MGAM: variants seen among roughly 807,000 people sequenced by gnomAD.
The protein encoded by MGAM is alpha-1,4-glucosidase.
Under a neutral mutation model 358.8 loss-of-function variants are expected in MGAM, and 253 were observed. That is an observed-to-expected ratio of 0.71 (90% CI 0.64 to 0.78). The LOEUF (loss-of-function observed/expected upper bound fraction) is 0.78, where lower values mean the gene tolerates loss of function less well. MGAM is among the 30% of genes least tolerant of loss of function. MGAM has a pLI of 0.00. For synonymous variants in MGAM, 1,105 were observed against 1,227.1 expected (o/e 0.90, Z 2.08); for missense variants, 3,080 against 3,432.6 (o/e 0.90, Z 2.57).
At chr7:141,992,101 T>C (rs1803973671), upstream of MGAM, among the ~76,000 whole-genome samples, 1 of 152,200 alleles carries the variant, frequency 6.6e-6, no homozygotes, top group South Asian at 2.1e-4. Flanking sequence ...GGATTCAGGG[T>C]CTGAGCTCTT....
intron 3 of MGAM, among the ~76,000 whole-genome samples, chr7:142,014,780 A>C (rs1258670791): frequency 6.6e-6 from 1 of 152,136 alleles, no homozygotes; most frequent in Non-Finnish European, 1.5e-5. Flanking sequence ...ATGTTGATAG[A>C]TATCTCTAGT....
rs1563175144 is a variant in MGAM at position 142,056,930 on chromosome 7, G to C, written c.3681G>C (p.Gln1227His). 4 of 1,613,828 alleles carry C rather than the reference G, an allele frequency of 2.5e-6. No homozygotes were observed. In the Admixed American group the frequency reaches 6.7e-5, roughly 27 times the overall value. Reference protein sequence around the residue: ...FLGPTPELVTQQYTELIGRPV... With the variant: ...FLGPTPELVTHQYTELIGRPV... The stretch of plus-strand genomic sequence containing the variant: ...GGCCGACTCCAGAGCTTGTCACCCA[G>C]CAGTACACTGAGGTAGGGGGAAATC... Residue 1227 changes from glutamine to histidine, a missense_variant, in exon 30 of 71, where the codon CAG (glutamine) becomes CAC (histidine). Gln to His is a conservative substitution (Grantham distance 24). Around this residue, in one of 5 missense-constraint regions of MGAM, gnomAD observed 1,816 missense variants for 1,840.5 expected, o/e 0.99. Transcript: ENST00000475668.
At chr7:142,018,630 A>C (rs1205904639) in intron 3 of MGAM, among the ~76,000 whole-genome samples, 1 of 152,208 alleles carries the variant, frequency 6.6e-6, no homozygotes, top group Non-Finnish European at 1.5e-5. Flanking sequence ...TTATGTTAGA[A>C]GGCACACACC....
At chr7:142,085,048 G>A (rs1394483872) in intron 54 of MGAM, among the ~76,000 whole-genome samples, 1 of 146,458 alleles carries the variant, frequency 6.8e-6, no homozygotes, top group East Asian at 2.0e-4. Flanking sequence ...ATGTGGATAC[G>A]ACCTCAGTTC....
At chr7:142,063,093 G>A (rs1812381850) in intron 35 of MGAM, among the ~76,000 whole-genome samples, 1 of 152,138 alleles carries the variant, frequency 6.6e-6, no homozygotes, top group Non-Finnish European at 1.5e-5. Flanking sequence ...AGCTATTTGG[G>A]TAGCTGAGGG....
rs1386225865 is a variant in MGAM, at chr7:142,061,221, G to T, written c.4122+848G>T. On this transcript the variant is annotated intron_variant, in intron 34 of 70. Transcript: ENST00000475668. ...AAGTTCCTACCTCACGGCTGGCCAG[G>T]TTCCCTACGTGTACCCCGTATGGGA... Among the ~76,000 whole-genome samples, 7 of 152,094 alleles carry T rather than the reference G, an allele frequency of 4.6e-5. No individual in the cohort carries two copies. In the South Asian group the frequency reaches 1.2e-3, roughly 27 times the overall value.
Position 142,094,864 on chromosome 7 carries a change from G to A in MGAM, c.7458+1G>A. The A allele has an allele frequency of 6.2e-7, 1 of 1,613,838 alleles. No individual in the cohort carries two copies. The highest frequency in any genetic ancestry group is 1.1e-5 in the South Asian group (1 of 91,058). On this transcript the variant is annotated splice_donor_variant, in intron 63 of 70. Coordinates refer to ENST00000475668, the MANE Select transcript of MGAM (RefSeq NM_001365693.1). LOFTEE classifies it high-confidence loss of function. ...AAACCACAACACCATTGGGACCAGG[G>A]TAGGACAGTGGCCCCTACCTCCAGT...
chr7:142,097,671 T>C (rs755850053), intron 66 of MGAM, 22 bp downstream of exon 66: 1 of 1,585,074 alleles, frequency 6.3e-7, no homozygotes. Context: ...TGAATGTTTA[T>C]ACAACACGGG....
Position 142,034,987 on chromosome 7 carries a change from C to G in MGAM, c.1959+146C>G, listed in dbSNP as rs879998465. 35 of 770,034 alleles carry G rather than the reference C, an allele frequency of 4.5e-5. No homozygotes were observed. The South Asian group carries it at 6.5e-4, about 14-fold the overall frequency. 47.7% of individuals were successfully genotyped at this position (770,034 alleles called of 1,614,324 possible). On this transcript the variant is annotated intron_variant, in intron 16 of 70. Coordinates refer to ENST00000475668, the MANE Select transcript of MGAM (RefSeq NM_001365693.1). ...AGAGCATGTGCTTCATCCACATCAG[C>G]AGGGCTTTGATACCATGACATTCTT... is the stretch of plus-strand genomic sequence containing the variant.
intron 10 of MGAM, among the ~76,000 whole-genome samples, chr7:142,029,247 C>A (rs998868344): frequency 1.8e-4 from 27 of 152,136 alleles, no homozygotes; most frequent in African/African-American, 6.3e-4. Flanking sequence ...GTAATCCCAG[C>A]TATTCGGGAA....
intron 70 of MGAM, 38 bp downstream of exon 70, chr7:142,103,477 C>T (rs1236876801): frequency 8.4e-6 from 13 of 1,538,698 alleles, no homozygotes; most frequent in African/African-American, 1.4e-5. Flanking sequence ...GTATTCTCCA[C>T]CCTTAATATG....
At chr7:142,021,774 A>G (rs376652288) in intron 6 of MGAM, 37 bp downstream of exon 6, 79 of 1,608,326 alleles carry the variant, frequency 4.9e-5, no homozygotes, top group Non-Finnish European at 6.0e-5. Context: ...TCAGAGTAGG[A>G]AGGTTACAGG....
In MGAM at chr7:142,022,851, A is replaced by T. The variant is rs569724105; in HGVS notation, c.882+412A>T. 1.0e-3 allele frequency among the ~76,000 whole-genome samples: 153 copies of T among 152,268 alleles called. 1 individual carries two copies. Among genetic ancestry groups the T allele is most frequent in the African/African-American group, 3.6e-3 (150 of 41,538 alleles). The stretch of plus-strand genomic sequence containing the variant: ...TTTTTAGGTTCACCTTTAATCACTG[A>T]CTCACCAGGTTTATCATCACAATAG... On this transcript the variant is annotated intron_variant, in intron 7 of 70. Transcript: ENST00000475668.
Position 142,021,588 on chromosome 7 carries a change from G to T in MGAM, c.561G>T (p.Leu187Phe). Reference sequence around the variant, plus strand: ...CTTCTATTTCTATCTCTGCACAGTTGACTGACCAAACCAATAACAGGTTTG... The same window carrying T: ...CTTCTATTTCTATCTCTGCACAGTTTACTGACCAAACCAATAACAGGTTTG... Reference protein sequence around the residue: ...YQTSNRFHFKLTDQTNNRFEV... With the variant: ...YQTSNRFHFKFTDQTNNRFEV... Residue 187 changes from leucine (L) to phenylalanine (F), a missense_variant and splice_region_variant, in exon 6 of 71, where the codon TTG (leucine) becomes TTT (phenylalanine). This residue lies in a region of MGAM where 1,816 missense variants were observed against 1,840.5 expected (regional missense o/e 0.99). Transcript: ENST00000475668. 1 of 1,613,716 alleles carries T rather than the reference G, an allele frequency of 6.2e-7. No individual in the cohort carries two copies. Among genetic ancestry groups the T allele is most frequent in the Non-Finnish European group, 8.5e-7 (1 of 1,179,738 alleles).
At position 142,052,285 on chromosome 7, in the gene MGAM, T is replaced by G; in HGVS notation, c.2806-9T>G. ...GATGAATTTCCTTATGATTTCCACA[T>G]TCCTACAGGTTGCCATTATCACAGA... On this transcript the variant is annotated splice_polypyrimidine_tract_variant and intron_variant, in intron 24 of 70. Transcript: ENST00000475668. 2 of 1,597,640 alleles carry G rather than the reference T, an allele frequency of 1.3e-6. No homozygotes were observed. Among genetic ancestry groups the G allele is most frequent in the Non-Finnish European group, 1.7e-6 (2 of 1,171,122 alleles).
intron 51 of MGAM, 123 bp from the exon 52 acceptor site, chr7:142,082,352 T>G: frequency 7.8e-7 from 1 of 1,283,380 alleles, no homozygotes; most frequent in East Asian, 2.5e-5. Context: ...CTCCTTTGTT[T>G]CATGTGTTTA....
Position 142,029,514 on chromosome 7 carries a change from A to G in MGAM, c.1222-848A>G, listed in dbSNP as rs79412267. On this transcript the variant is annotated intron_variant, in intron 10 of 70. Coordinates refer to ENST00000475668, the MANE Select transcript of MGAM (RefSeq NM_001365693.1). ...CTTATAGATAGACATTTCCTTTTTA[A>G]GTGATCCAGGAAATGAAAGAATTGG... Among the ~76,000 whole-genome samples, 480 of 152,224 alleles carry G rather than the reference A, an allele frequency of 3.2e-3. 3 individuals carry two copies. The highest frequency in any genetic ancestry group is 0.011 in the African/African-American group (454 of 41,530).
chr7:142,000,044 C>G (rs1306524803), intron 1 of MGAM, among the ~76,000 whole-genome samples: 3 of 152,034 alleles, frequency 2.0e-5, no homozygotes, highest in African/African-American at 7.3e-5. Flanking sequence ...TAAAAATATG[C>G]TAATGATATT....
chr7:142,081,011 C>T, intron 50 of MGAM, 66 bp downstream of exon 50: 1 of 1,329,114 alleles, frequency 7.5e-7, no homozygotes, highest in South Asian at 1.3e-5. Flanking sequence ...GGTCCATTGT[C>T]CTTGGATGTA....
Sources: allele counts gnomAD v4.1 joint callset (sites outside exome capture counted in the v4.1 genomes callset), GRCh38; gene constraint gnomAD v4.1.1; regional missense constraint gnomAD v4.1.1; transcripts MANE v1.5; gene names NCBI Gene and HGNC (gene_info 2026-07-23, HGNC 2026-07-21).